The following HIBADH variants were observed in gnomAD, a reference collection of about 807,000 sequenced individuals.
The protein encoded by HIBADH is 3-hydroxyisobutyrate dehydrogenase, also known as 3-hydroxyisobutyrate dehydrogenase, mitochondrial.
Under a neutral mutation model 36.1 loss-of-function variants are expected in HIBADH, and 25 were observed. That is an observed-to-expected ratio of 0.69 (90% CI 0.50 to 0.97). The LOEUF (loss-of-function observed/expected upper bound fraction) is 0.97. Ranked by LOEUF, HIBADH falls within the 50% of genes least tolerant of loss-of-function variation. The probability of loss-of-function intolerance (pLI) is 0.00; values close to 1 mark genes in which losing one functional copy is unlikely to be tolerated. For synonymous variants in HIBADH, 160 were observed against 149.5 expected (o/e 1.07, Z -0.51); for missense variants, 421 against 418.0 (o/e 1.01, Z -0.06).
At chr7:27,585,651 G>A (rs372524829) in intron 4 of HIBADH, among the ~76,000 whole-genome samples, 9 of 152,250 alleles carry the variant, frequency 5.9e-5, no homozygotes, top group Admixed American at 3.3e-4. Context: ...TTTGTAAGAC[G>A]ATTCAAAGAG....
chr7:27,629,224 A>G, intron 4 of HIBADH, 147 bp downstream of exon 4: 1 of 656,832 alleles, frequency 1.5e-6, no homozygotes, highest in Non-Finnish European at 2.5e-6. Flanking sequence ...AGAGTACTAA[A>G]TAACGTATCA....
chr7:27,636,563 C>A (rs903331407), intron 2 of HIBADH, among the ~76,000 whole-genome samples: 1 of 152,180 alleles, frequency 6.6e-6, no homozygotes, highest in African/African-American at 2.4e-5. Flanking sequence ...TTTACTTAAG[C>A]AAACATGTTC....
At chr7:27,582,569 A>T (rs2128287676) in intron 4 of HIBADH, among the ~76,000 whole-genome samples, 1 of 152,212 alleles carries the variant, frequency 6.6e-6, no homozygotes, top group Non-Finnish European at 1.5e-5. Flanking sequence ...CACTTACTAA[A>T]TAATTATGAT....
At position 27,581,457 on chromosome 7, in the gene HIBADH, A is replaced by T. The variant is rs998284294; in HGVS notation, c.485-38357T>A. Reference sequence around the variant, plus strand: ...TTATCTACAACAGGTACTGCCATCAACTATAATTGCTTATCTTCCTAAAAT... The same window carrying T: ...TTATCTACAACAGGTACTGCCATCATCTATAATTGCTTATCTTCCTAAAAT... On this transcript the variant is annotated intron_variant, in intron 4 of 7. Coordinates refer to ENST00000265395, the MANE Select transcript of HIBADH (RefSeq NM_152740.4). 2.0e-5 allele frequency among the ~76,000 whole-genome samples: 3 copies of T among 152,316 alleles called. No homozygotes were observed. The East Asian group carries it at 5.8e-4, about 29-fold the overall frequency.
intron 7 of HIBADH, among the ~76,000 whole-genome samples, chr7:27,530,816 C>T (rs1158191195): frequency 6.6e-6 from 1 of 152,046 alleles, no homozygotes; most frequent in East Asian, 1.9e-4. Context: ...ATATGCACTG[C>T]CAGTGTATTA....
chr7:27,643,642 T>A (rs994540421), intron 2 of HIBADH, among the ~76,000 whole-genome samples: 2 of 152,212 alleles, frequency 1.3e-5, no homozygotes, highest in Non-Finnish European at 2.9e-5. Flanking sequence ...ACATTAGTTT[T>A]CCACAGCTGC....
In HIBADH at chr7:27,649,494, C is replaced by G; in HGVS notation, c.231G>C (p.Glu77Asp). 1 of 1,612,370 alleles carries G rather than the reference C, an allele frequency of 6.2e-7. No individual in the cohort carries two copies. The highest frequency in any genetic ancestry group is 8.5e-7 in the Non-Finnish European group (1 of 1,179,310). ...TTACCTGTTCACCTGCATCTTGAAA[C>G]TCTTTGCAGGCATCAGGGAACACAT... ...IYDVFPDACK[E>D]FQDAGEQVVS... The change falls in exon 2 of 8, where the codon GAG becomes GAC. Residue 77 changes from glutamate to aspartate, a missense_variant. Coordinates refer to ENST00000265395, the MANE Select transcript of HIBADH (RefSeq NM_152740.4).
At chr7:27,535,838 T>C (rs1299334900) in intron 6 of HIBADH, among the ~76,000 whole-genome samples, 2 of 152,132 alleles carry the variant, frequency 1.3e-5, no homozygotes, top group East Asian at 3.8e-4. Flanking sequence ...ATAAGAATTT[T>C]AAACTGTAAG....
chr7:27,533,022 C>T (rs1279377497), intron 6 of HIBADH, among the ~76,000 whole-genome samples: 1 of 152,142 alleles, frequency 6.6e-6, no homozygotes, highest in East Asian at 1.9e-4. Context: ...GGAGAAAATA[C>T]TTTTAAAGAC....
intron 3 of HIBADH, among the ~76,000 whole-genome samples, chr7:27,630,246 C>T (rs1371174791): frequency 6.6e-6 from 1 of 152,140 alleles, no homozygotes; most frequent in African/African-American, 2.4e-5. Flanking sequence ...GACAGAGTCT[C>T]CCACCTCAGC....
chr7:27,545,434 T>G (rs982475338), intron 4 of HIBADH, among the ~76,000 whole-genome samples: 1 of 152,138 alleles, frequency 6.6e-6, no homozygotes, highest in Non-Finnish European at 1.5e-5. Context: ...CAAGACCCTG[T>G]CTCAAAAACA....
At chr7:27,646,756 T>G (rs1786080239) in intron 2 of HIBADH, among the ~76,000 whole-genome samples, 1 of 135,948 alleles carries the variant, frequency 7.4e-6, no homozygotes, top group South Asian at 2.4e-4. Flanking sequence ...ACTGCAGTGG[T>G]GCAATCTCGG....
At chr7:27,652,834 G>C (rs1331855219) in intron 1 of HIBADH, among the ~76,000 whole-genome samples, 1 of 152,124 alleles carries the variant, frequency 6.6e-6, no homozygotes, top group Non-Finnish European at 1.5e-5. Flanking sequence ...TTATATTGAG[G>C]GTTAGGAATT....
At chr7:27,595,731 C>G (rs1429773576) in intron 4 of HIBADH, among the ~76,000 whole-genome samples, 1 of 151,908 alleles carries the variant, frequency 6.6e-6, no homozygotes, top group Non-Finnish European at 1.5e-5. Context: ...TAGAAAAGAT[C>G]AATGCCTAGC....
intron 2 of HIBADH, among the ~76,000 whole-genome samples, chr7:27,643,000 G>A (rs1785990136): frequency 6.6e-6 from 1 of 152,164 alleles, no homozygotes; most frequent in South Asian, 2.1e-4. Context: ...CTCACCTAAT[G>A]TAACACATAT....
At chr7:27,649,281 C>A (rs1485549711) in intron 2 of HIBADH, 192 bp downstream of exon 2, 3 of 442,372 alleles carry the variant, frequency 6.8e-6, no homozygotes, top group Non-Finnish European at 1.2e-5. Flanking sequence ...AATAGATACC[C>A]CTGAATGTCT....
chr7:27,662,129 A>AG (rs1273135692), intron 1 of HIBADH, among the ~76,000 whole-genome samples: 1 of 152,176 alleles, frequency 6.6e-6, no homozygotes, highest in Non-Finnish European at 1.5e-5. Flanking sequence ...GTTACAGTAG[A>AG]GGGGGGAAGC....
intron 4 of HIBADH, among the ~76,000 whole-genome samples, chr7:27,595,824 T>C (rs1305785966): frequency 1.3e-5 from 2 of 152,128 alleles, no homozygotes; most frequent in African/African-American, 4.8e-5. Flanking sequence ...AGGACAGGAA[T>C]TAGCAATCAC....
chr7:27,547,249 C>T (rs570325952), intron 4 of HIBADH, among the ~76,000 whole-genome samples: 2 of 152,322 alleles, frequency 1.3e-5, no homozygotes, highest in East Asian at 3.9e-4. Flanking sequence ...AAATGTTCTT[C>T]CCCCAGATAC....
Sources: allele counts gnomAD v4.1 joint callset (sites outside exome capture counted in the v4.1 genomes callset), GRCh38; gene constraint gnomAD v4.1.1; transcripts MANE v1.5; gene names NCBI Gene and HGNC (gene_info 2026-07-23, HGNC 2026-07-21).